SEMA5A: variants seen among roughly 807,000 people sequenced by gnomAD.
The protein encoded by SEMA5A is semaphorin 5A, also known as semaphorin-5A.
Under a neutral mutation model 135.5 loss-of-function variants are expected in SEMA5A, and 55 were observed. The ratio of observed to expected loss-of-function variants is 0.41; its 90% CI spans 0.33 to 0.51. The LOEUF (loss-of-function observed/expected upper bound fraction) is 0.51. Among genes scored for constraint, SEMA5A ranks in the 20% least tolerant of loss-of-function variants. The probability of loss-of-function intolerance (pLI) is 0.37; values close to 1 mark genes in which losing one functional copy is unlikely to be tolerated. For synonymous variants in SEMA5A, 580 were observed against 546.5 expected, an observed-to-expected ratio of 1.06 and a Z score of -0.85; for missense variants, 1,290 against 1,419.9, an observed-to-expected ratio of 0.91 and a Z score of 1.47.
chr5:9,395,300 T>C (rs1197259978), intron 2 of SEMA5A, among the ~76,000 whole-genome samples: 1 of 152,134 alleles, frequency 6.6e-6, no homozygotes, highest in Non-Finnish European at 1.5e-5. Context: ...ATATAAACCT[T>C]CATAAAGCAG....
chr5:9,147,266 G>A (rs1345953212), intron 12 of SEMA5A, among the ~76,000 whole-genome samples: 1 of 152,074 alleles, frequency 6.6e-6, no homozygotes, highest in Non-Finnish European at 1.5e-5. Context: ...TCACTCAATA[G>A]AACCAATGTC....
At chr5:9,451,499 C>T (rs1561263964) in intron 1 of SEMA5A, among the ~76,000 whole-genome samples, 1 of 152,152 alleles carries the variant, frequency 6.6e-6, no homozygotes, top group Non-Finnish European at 1.5e-5. Context: ...ACTTTCCTAA[C>T]TATTGTAAAA....
chr5:9,146,404 T>C (rs1230504022), intron 12 of SEMA5A, among the ~76,000 whole-genome samples: 1 of 152,246 alleles, frequency 6.6e-6, no homozygotes, highest in African/African-American at 2.4e-5. Flanking sequence ...TGTCGCTTAA[T>C]GGCTTCAGAA....
intron 2 of SEMA5A, among the ~76,000 whole-genome samples, chr5:9,418,857 G>A (rs1757370795): frequency 6.6e-6 from 1 of 152,124 alleles, no homozygotes; most frequent in African/African-American, 2.4e-5. Context: ...ACAAAGTAAA[G>A]GACAAATAAA....
At chr5:9,414,126 T>A (rs1757202954) in intron 2 of SEMA5A, among the ~76,000 whole-genome samples, 1 of 152,240 alleles carries the variant, frequency 6.6e-6, no homozygotes, top group South Asian at 2.1e-4. Flanking sequence ...ATCTATTATG[T>A]AATTATTTTA....
rs150240850 is a variant in SEMA5A, at chr5:9,401,813, T to C, written c.-77-21790A>G. Among the ~76,000 whole-genome samples the C allele has an allele frequency of 8.4e-3, 1,277 of 152,298 alleles. 7 individuals are homozygous for C. Among genetic ancestry groups the C allele is most frequent in the Middle Eastern group, 0.014 (4 of 294 alleles). On this transcript the variant is annotated intron_variant, in intron 2 of 22. Transcript: ENST00000382496. ...TTGCTAGTTAAGCTCAACACAGTCCTAATAAGCAGCTGCTTCTGCTCCCAA... is the reference window on the plus strand; with the variant it reads ...TTGCTAGTTAAGCTCAACACAGTCCCAATAAGCAGCTGCTTCTGCTCCCAA...
intron 4 of SEMA5A, among the ~76,000 whole-genome samples, chr5:9,327,455 TG>T (rs1752930212): frequency 6.6e-6 from 1 of 152,178 alleles, no homozygotes; most frequent in Non-Finnish European, 1.5e-5. Context: ...TTAAAAGTCT[TG>T]GTTATTAGAA....
At chr5:9,115,895 G>A (rs1031054933) in intron 15 of SEMA5A, among the ~76,000 whole-genome samples, 3 of 152,162 alleles carry the variant, frequency 2.0e-5, no homozygotes, top group African/African-American at 7.2e-5. Flanking sequence ...TTGTGATTAT[G>A]TTACATAAGT....
At chr5:9,488,640 C>A (rs968412090) in intron 1 of SEMA5A, among the ~76,000 whole-genome samples, 2 of 152,186 alleles carry the variant, frequency 1.3e-5, no homozygotes, top group African/African-American at 4.8e-5. Context: ...TCAATTCCTA[C>A]ACTGATGCGG....
intron 1 of SEMA5A, among the ~76,000 whole-genome samples, chr5:9,454,820 G>A (rs944101100): frequency 2.0e-5 from 3 of 152,096 alleles, no homozygotes; most frequent in African/African-American, 7.2e-5. Context: ...TCTTTATGAC[G>A]AAAAGGAAAT....
At chr5:9,444,301 TA>T (rs1197525685) in intron 1 of SEMA5A, among the ~76,000 whole-genome samples, 1 of 152,146 alleles carries the variant, frequency 6.6e-6, no homozygotes, top group South Asian at 2.1e-4. Flanking sequence ...CTGAGCAGTA[TA>T]CACTGCAACC....
intron 15 of SEMA5A, 111 bp downstream of exon 15, chr5:9,118,887 T>A: frequency 7.5e-7 from 1 of 1,340,216 alleles, no homozygotes; most frequent in Non-Finnish European, 1.0e-6. Flanking sequence ...CGGAAAGGGA[T>A]GCCACACATA....
At chr5:9,076,449 A>G (rs1738063889) in intron 16 of SEMA5A, among the ~76,000 whole-genome samples, 1 of 152,158 alleles carries the variant, frequency 6.6e-6, no homozygotes, top group Non-Finnish European at 1.5e-5. Context: ...ATTAAAAGGT[A>G]AAAACATGCA....
intron 16 of SEMA5A, among the ~76,000 whole-genome samples, chr5:9,088,302 C>CAAAA (rs58686803): frequency 1.5e-5 from 1 of 68,366 alleles, no homozygotes; most frequent in Non-Finnish European, 3.2e-5. Context: ...GACTCCATCT[C>CAAAA]AAAAAAAAAA....
At chr5:9,218,082 A>G (rs3846582) in intron 8 of SEMA5A, among the ~76,000 whole-genome samples, 74,533 of 151,486 alleles carry the variant, frequency 0.49, 18,452 homozygotes, top group South Asian at 0.62. Context: ...AGAGAAGAAA[A>G]TATAACTATT....
rs1746959177 is a variant in SEMA5A, at chr5:9,221,375, T to C, written c.646+3299A>G. 2.0e-5 allele frequency among the ~76,000 whole-genome samples: 3 copies of C among 147,768 alleles called. No individual in the cohort carries two copies. In the South Asian group the frequency reaches 6.5e-4, roughly 32 times the overall value. ...TGGAGTGCAGTGGCGCGATCTCGGC[T>C]TACTGCAAGCTCCGCCTCCCGGGTT... is the stretch of plus-strand genomic sequence containing the variant. On this transcript the variant is annotated intron_variant, in intron 8 of 22. Transcript: ENST00000382496.
chr5:9,466,023 C>T lies in SEMA5A; in HGVS notation c.-174-28171G>A, dbSNP rs760330609. Reference sequence around the variant, plus strand: ...AGAGAAATTACAAGTTAAACCAATGCTAATTATTGACCAAGAAGGCCTTAA... The same window carrying T: ...AGAGAAATTACAAGTTAAACCAATGTTAATTATTGACCAAGAAGGCCTTAA... On this transcript the variant is annotated intron_variant, in intron 1 of 22. Coordinates refer to ENST00000382496, the MANE Select transcript of SEMA5A (RefSeq NM_003966.3). 2.8e-4 allele frequency among the ~76,000 whole-genome samples: 42 copies of T among 152,074 alleles called. 1 individual carries two copies. The highest frequency in any genetic ancestry group is 2.1e-4 in the Non-Finnish European group (14 of 68,032).
At chr5:9,259,406 T>C (rs1308545430) in intron 5 of SEMA5A, among the ~76,000 whole-genome samples, 2 of 151,980 alleles carry the variant, frequency 1.3e-5, no homozygotes, top group Admixed American at 1.3e-4. Flanking sequence ...GATTGCACTG[T>C]GGTCTGAGAG....
chr5:9,073,066 C>T (rs948962983), intron 16 of SEMA5A, among the ~76,000 whole-genome samples: 8 of 152,076 alleles, frequency 5.3e-5, no homozygotes, highest in South Asian at 4.1e-4. Flanking sequence ...TAATTGCAAA[C>T]GAGACAGTAT....
Sources: allele counts gnomAD v4.1 joint callset (sites outside exome capture counted in the v4.1 genomes callset), GRCh38; gene constraint gnomAD v4.1.1; transcripts MANE v1.5; gene names NCBI Gene and HGNC (gene_info 2026-07-23, HGNC 2026-07-21).